RAB37: variants seen among roughly 807,000 people sequenced by gnomAD.
The protein encoded by RAB37 is ras-related protein Rab-37.
RAB37 carries 29 observed loss-of-function variants against 33.1 expected under a neutral mutation model. That is an observed-to-expected ratio of 0.88 (90% CI 0.65 to 1.20). The LOEUF (loss-of-function observed/expected upper bound fraction) is 1.20. Ranked by LOEUF, RAB37 falls within the 50% of genes most tolerant of loss-of-function variation. The pLI, the probability that RAB37 is intolerant of heterozygous loss-of-function variation, is 0.00. For missense variants in RAB37, 299 were observed against 301.1 expected, an observed-to-expected ratio of 0.99 and a Z score of 0.05; for synonymous variants, 128 against 119.5, an observed-to-expected ratio of 1.07 and a Z score of -0.47.
intron 1 of RAB37, among the ~76,000 whole-genome samples, chr17:74,727,977 G>A (rs2034326616): frequency 6.6e-6 from 1 of 151,930 alleles, no homozygotes; most frequent in Non-Finnish European, 1.5e-5. Flanking sequence ...GTGTATATGT[G>A]TCTGTGTGTC....
intron 1 of RAB37, among the ~76,000 whole-genome samples, chr17:74,695,448 C>T (rs1860165404): frequency 6.6e-6 from 1 of 152,204 alleles, no homozygotes; most frequent in South Asian, 2.1e-4. Flanking sequence ...CCCAACCCTG[C>T]ACCAGTGCAG....
chr17:74,691,206 G>T (rs576680398), intron 1 of RAB37, among the ~76,000 whole-genome samples: 1 of 152,280 alleles, frequency 6.6e-6, no homozygotes, highest in South Asian at 2.1e-4. Context: ...TCCCTGTGTT[G>T]CCCAGGCTGC....
intron 1 of RAB37, among the ~76,000 whole-genome samples, chr17:74,674,602 G>C (rs138253341): frequency 6.6e-6 from 1 of 151,944 alleles, no homozygotes; most frequent in Non-Finnish European, 1.5e-5. Context: ...CACTTGAACC[G>C]AGGAGGTGGA....
intron 2 of RAB37, among the ~76,000 whole-genome samples, chr17:74,741,878 C>T (rs549456398): frequency 6.6e-6 from 1 of 152,332 alleles, no homozygotes; most frequent in East Asian, 1.9e-4. Flanking sequence ...AACACCCCAT[C>T]TCCAGGGGCT....
intron 4 of RAB37, 26 bp downstream of exon 4, chr17:74,743,221 C>T (rs2034664535): frequency 1.2e-6 from 2 of 1,613,788 alleles, no homozygotes; most frequent in African/African-American, 1.3e-5. Flanking sequence ...CCTCCAACCC[C>T]TACCCCAGCC....
chr17:74,739,320 G>A (rs2034551606), intron 1 of RAB37, among the ~76,000 whole-genome samples: 1 of 152,118 alleles, frequency 6.6e-6, no homozygotes, highest in Non-Finnish European at 1.5e-5. Context: ...GGGAAGATGA[G>A]CAGAGCAGAG....
chr17:74,732,146 T>G, intron 2 of RAB37, among the ~76,000 whole-genome samples: 1 of 152,150 alleles, frequency 6.6e-6, no homozygotes, highest in East Asian at 1.9e-4. Flanking sequence ...TTTAGACCAG[T>G]GGTTTTCGAA....
intron 1 of RAB37, among the ~76,000 whole-genome samples, chr17:74,685,089 G>A (rs2032028158): frequency 6.6e-6 from 1 of 150,694 alleles, no homozygotes; most frequent in African/African-American, 2.5e-5. Context: ...TTTACTAAAT[G>A]CTAACATTTT....
At chr17:74,725,772 T>G (rs571006207) in intron 1 of RAB37, among the ~76,000 whole-genome samples, 1 of 152,010 alleles carries the variant, frequency 6.6e-6, no homozygotes, top group African/African-American at 2.4e-5. Flanking sequence ...TACAGGTGCC[T>G]GCCATCACGC....
chr17:74,732,960 G>T (rs1391684779), upstream of RAB37, among the ~76,000 whole-genome samples: 1 of 151,908 alleles, frequency 6.6e-6, no homozygotes, highest in Non-Finnish European at 1.5e-5. Flanking sequence ...GAGGGTAGGG[G>T]TGTCTATTTG....
chr17:74,739,434 T>C (rs1255086440), intron 1 of RAB37, among the ~76,000 whole-genome samples: 1 of 152,086 alleles, frequency 6.6e-6, no homozygotes, highest in Non-Finnish European at 1.5e-5. Flanking sequence ...TGCAGCCACA[T>C]GTCCCATGTG....
At chr17:74,675,478 C>T (rs1278908981) in intron 1 of RAB37, among the ~76,000 whole-genome samples, 3 of 151,772 alleles carry the variant, frequency 2.0e-5, no homozygotes, top group Non-Finnish European at 4.4e-5. Flanking sequence ...ATCTTGGGCT[C>T]CAAAGCAGCT....
intron 1 of RAB37, among the ~76,000 whole-genome samples, chr17:74,692,644 C>A (rs1034374643): frequency 6.6e-6 from 1 of 152,156 alleles, no homozygotes; most frequent in Non-Finnish European, 1.5e-5. Context: ...CCCTACAATC[C>A]CCCCATCCAA....
rs192304532 is a variant in RAB37, at chr17:74,688,678, T to C, written c.72+17020T>C. On this transcript the variant is annotated intron_variant, in intron 1 of 7. Transcript: ENST00000340415. ...GTTATCTCTACAAAAACTAAACTGC[T>C]TTGGAAAGACACTATAAAAGCCTGT... is the stretch of plus-strand genomic sequence containing the variant. Among the ~76,000 whole-genome samples the C allele has an allele frequency of 9.2e-5, 14 of 152,182 alleles. 1 individual carries two copies. The highest frequency in any genetic ancestry group is 2.6e-4 in the Admixed American group (4 of 15,296).
At position 74,679,013 on chromosome 17, in the gene RAB37, A is replaced by C. The variant is rs552596517; in HGVS notation, c.72+7355A>C. ...GTAACCCCAGCTACTTGGGAGGCTG[A>C]GGCAGGAGAATCACTTGAACCCGGA... is the stretch of plus-strand genomic sequence containing the variant. On this transcript the variant is annotated intron_variant, in intron 1 of 7. Transcript: ENST00000340415. Among the ~76,000 whole-genome samples the C allele has an allele frequency of 1.6e-4, 24 of 151,698 alleles. No individual in the cohort carries two copies. The East Asian group carries it at 4.7e-3, about 29-fold the overall frequency.
intron 1 of RAB37, chr17:74,704,271 A>G (rs1418592296): frequency 1.7e-6 from 1 of 580,206 alleles, no homozygotes; most frequent in Non-Finnish European, 3.1e-6. Flanking sequence ...GAAAGGCTTA[A>G]TCCCGTCGTG....
At chr17:74,737,126 C>A, upstream of RAB37, 1 of 1,443,242 alleles carries the variant, frequency 6.9e-7, no homozygotes, top group African/African-American at 1.5e-5. Context: ...AGGTCCGAGC[C>A]GGTGTCGTCG....
At chr17:74,704,746 C>T (rs1171915457) in intron 1 of RAB37, 5 of 1,614,056 alleles carry the variant, frequency 3.1e-6, no homozygotes, top group Non-Finnish European at 4.2e-6. Flanking sequence ...AAACACACTG[C>T]ACGGTCAAGG....
At chr17:74,703,067 G>A (rs2033206388) in intron 1 of RAB37, 1 of 1,614,000 alleles carries the variant, frequency 6.2e-7, no homozygotes, top group Non-Finnish European at 8.5e-7. Context: ...TCAGAGTTGG[G>A]GAGCTGCTAG....
Sources: gnomAD v4.1 joint callset for allele counts (sites outside exome capture counted in the v4.1 genomes callset) on GRCh38, gnomAD v4.1.1 for gene constraint, MANE v1.5 for transcripts, NCBI Gene and HGNC (gene_info 2026-07-23, HGNC 2026-07-21) for gene names.